PPP2R5C: variants seen among roughly 807,000 people sequenced by gnomAD.
PPP2R5C encodes the protein serine/threonine-protein phosphatase 2A 56 kDa regulatory subunit gamma isoform.
A neutral mutation model predicts 68.9 loss-of-function variants in PPP2R5C; 7 were observed. The observed-to-expected ratio is 0.10, with a 90% CI of 0.06 to 0.19. The LOEUF (loss-of-function observed/expected upper bound fraction) is 0.19. Ranked by LOEUF, PPP2R5C falls within the 10% of genes least tolerant of loss-of-function variation. The probability of loss-of-function intolerance (pLI) is 1.00; values close to 1 mark genes in which losing one functional copy is unlikely to be tolerated. For missense variants in PPP2R5C, 348 were observed against 641.3 expected, an observed-to-expected ratio of 0.54 and a Z score of 4.94; for synonymous variants, 210 against 222.2, an observed-to-expected ratio of 0.95 and a Z score of 0.49.
chr14:101,763,617 G>A (rs796119244), intron 2 of PPP2R5C, among the ~76,000 whole-genome samples: 75 of 152,178 alleles, frequency 4.9e-4, no homozygotes, highest in African/African-American at 1.7e-3. Flanking sequence ...TCCTGTCCTC[G>A]TGACCCGCCC....
Position 101,870,392 on chromosome 14 carries a change from A to G in PPP2R5C, c.295-11769A>G, listed in dbSNP as rs115627926. Among the ~76,000 whole-genome samples, 186 of 152,140 alleles carry G rather than the reference A, an allele frequency of 1.2e-3. 1 individual carries two copies. Among genetic ancestry groups the G allele is most frequent in the African/African-American group, 4.3e-3 (180 of 41,500 alleles). Reference sequence around the variant, plus strand: ...TCGTTCTTTGGCGTATGGATTTCCAATTGTTCTGTTTGTTGAAAAGACTGA... The same window carrying G: ...TCGTTCTTTGGCGTATGGATTTCCAGTTGTTCTGTTTGTTGAAAAGACTGA... On this transcript the variant is annotated intron_variant, in intron 2 of 13. Transcript: ENST00000334743.
At chr14:101,779,775 A>G (rs2140017844) in intron 2 of PPP2R5C, among the ~76,000 whole-genome samples, 1 of 152,274 alleles carries the variant, frequency 6.6e-6, no homozygotes, top group Non-Finnish European at 1.5e-5. Context: ...GGTCAGTCCA[A>G]TAACAGTATG....
In PPP2R5C at chr14:101,835,858, CCT is replaced by C. The variant is rs2041058248; in HGVS notation, c.95-20823_95-20822del. Among the ~76,000 whole-genome samples, 1 of 152,232 alleles carries C rather than the reference CCT, an allele frequency of 6.6e-6. No homozygotes were observed. Among genetic ancestry groups the C allele is most frequent in the Non-Finnish European group, 1.5e-5 (1 of 68,042 alleles). The stretch of plus-strand genomic sequence containing the variant: ...CGGTCCCATCTGAGCGTCGCCTTAA[CCT>C]CTCTGTAGACCTCTGTCCTTGTCTA... On this transcript the variant is annotated intron_variant, in intron 1 of 13. Transcript: ENST00000334743. The surrounding 1 kb of genome is among the most constrained non-coding windows in gnomAD (Gnocchi z 5.0).
intron 1 of PPP2R5C, among the ~76,000 whole-genome samples, chr14:101,833,080 C>T (rs1015502089): frequency 2.0e-5 from 3 of 152,206 alleles, no homozygotes; most frequent in Admixed American, 1.3e-4. Flanking sequence ...CTGATTCTTC[C>T]CATGTTCCGT....
rs1261649630 is a variant in PPP2R5C at position 101,906,578 on chromosome 14, A to G, written c.1151+49A>G. On this transcript the variant is annotated intron_variant, in intron 10 of 13. Transcript: ENST00000334743. The surrounding 1 kb of genome is among the most constrained non-coding windows in gnomAD (Gnocchi z 4.0). The stretch of plus-strand genomic sequence containing the variant: ...TTTTTCAGTCATTTTAAAATATGGC[A>G]CGTTTTACTGCTACTTCAGTAAGAA... The G allele has an allele frequency of 1.3e-6, 2 of 1,547,748 alleles. No homozygotes were observed. Among genetic ancestry groups the G allele is most frequent in the Non-Finnish European group, 1.8e-6 (2 of 1,142,822 alleles).
upstream of PPP2R5C, among the ~76,000 whole-genome samples, chr14:101,805,783 G>C (rs943158195): frequency 3.3e-5 from 5 of 152,234 alleles, no homozygotes; most frequent in Non-Finnish European, 7.3e-5. Flanking sequence ...ACATTATGCT[G>C]AGTGAAATAA....
chr14:101,832,550 G>A (rs4906146), intron 1 of PPP2R5C, among the ~76,000 whole-genome samples: 11,986 of 152,220 alleles, frequency 0.079, 500 homozygotes, highest in Middle Eastern at 0.14. Context: ...CAGGGTGGGC[G>A]ACTCTGGGTT....
At position 101,879,902 on chromosome 14, in the gene PPP2R5C, G is replaced by A. The variant is rs1466579849; in HGVS notation, c.295-2259G>A. ...TGACAGGACCCTGGGAGGACATGGC[G>A]GCCTGCCCAAAGTGTGTGTGTGTGT... is the stretch of plus-strand genomic sequence containing the variant. On this transcript the variant is annotated intron_variant, in intron 2 of 13. Transcript: ENST00000334743. This position sits in a 1 kb window ranked among gnomAD's most constrained non-coding sequence, Gnocchi z 4.2. Among the ~76,000 whole-genome samples the A allele has an allele frequency of 1.3e-5, 2 of 152,222 alleles. No homozygotes were observed. The highest frequency in any genetic ancestry group is 4.8e-5 in the African/African-American group (2 of 41,452).
At chr14:101,922,273 G>A in intron 13 of PPP2R5C, 1 of 819,964 alleles carries the variant, frequency 1.2e-6, no homozygotes, top group South Asian at 5.6e-5. Flanking sequence ...CAGATCACCT[G>A]AGGTCAGGAG....
intron 2 of PPP2R5C, among the ~76,000 whole-genome samples, chr14:101,867,783 T>A (rs1352869910): frequency 1.3e-5 from 2 of 151,052 alleles, no homozygotes; most frequent in Non-Finnish European, 2.9e-5. Flanking sequence ...ATCAAAAAAA[T>A]TAATTAATTA....
Position 101,764,897 on chromosome 14 carries a change from A to T in PPP2R5C, c.93+1927A>T, listed in dbSNP as rs2036772805. ...CTTGCTAATGTGCCTATATCCTCTT[A>T]CTTTAGCTATATTCCTTATACAAAG... On this transcript the variant is annotated intron_variant, in intron 2 of 14. Transcript: ENST00000328724. Among the ~76,000 whole-genome samples the T allele has an allele frequency of 6.4e-5, 9 of 140,618 alleles. No homozygotes were observed. In the Admixed American group the frequency reaches 7.0e-4, roughly 11 times the overall value. The allele number at this position is 140,618 out of a possible 152,430, so 92.3% of individuals were successfully genotyped here.
Position 101,781,587 on chromosome 14 carries a change from G to A in PPP2R5C, c.94-4431G>A, listed in dbSNP as rs1274674533. Among the ~76,000 whole-genome samples, 1 of 151,334 alleles carries A rather than the reference G, an allele frequency of 6.6e-6. No homozygotes were observed. The highest frequency in any genetic ancestry group is 2.4e-5 in the African/African-American group (1 of 41,136). On this transcript the variant is annotated intron_variant, in intron 2 of 14. Coordinates refer to the PPP2R5C transcript ENST00000328724. The surrounding 1 kb of genome is among the most constrained non-coding windows in gnomAD (Gnocchi z 6.4). ...CCACGTTTTCTCAAGAGTGTTGTCT[G>A]TCCCGGCCTTCCAAGGAGACCCTTA...
At chr14:101,860,764 G>A (rs1048742450) in intron 2 of PPP2R5C, among the ~76,000 whole-genome samples, 2 of 152,146 alleles carry the variant, frequency 1.3e-5, no homozygotes, top group African/African-American at 2.4e-5. Flanking sequence ...TGCATTTCTC[G>A]ACAACCAGTT....
rs939368764 is a variant in PPP2R5C, at chr14:101,835,173, C to T, written c.95-21513C>T. Among the ~76,000 whole-genome samples, 2 of 152,112 alleles carry T rather than the reference C, an allele frequency of 1.3e-5. No individual in the cohort carries two copies. Among genetic ancestry groups the T allele is most frequent in the African/African-American group, 4.8e-5 (2 of 41,420 alleles). On this transcript the variant is annotated intron_variant, in intron 1 of 13. Transcript: ENST00000334743. This position sits in a 1 kb window ranked among gnomAD's most constrained non-coding sequence, Gnocchi z 5.0. ...CTGGACACTGGGCTGCTCCTCATGG[C>T]GGTGGGAGCATGGGCTGCTCAGCTG...
In PPP2R5C at chr14:101,917,603, G is replaced by A. The variant is rs374919758; in HGVS notation, c.1327-228G>A. 2.0e-5 allele frequency among the ~76,000 whole-genome samples: 3 copies of A among 152,146 alleles called. No individual in the cohort carries two copies. The East Asian group carries it at 5.8e-4, about 29-fold the overall frequency. The stretch of plus-strand genomic sequence containing the variant: ...CGGGCCACTGTCCATCAGATGCAGA[G>A]GGGTCAGGAGGGGACCAGCTGCTTT... On this transcript the variant is annotated intron_variant, in intron 12 of 13. Coordinates refer to ENST00000334743, the Ensembl canonical transcript of PPP2R5C. The surrounding 1 kb of genome is among the most constrained non-coding windows in gnomAD (Gnocchi z 4.4).
chr14:101,849,201 G>A (rs2042009546), intron 1 of PPP2R5C, among the ~76,000 whole-genome samples: 1 of 152,214 alleles, frequency 6.6e-6, no homozygotes, highest in Non-Finnish European at 1.5e-5. Flanking sequence ...AGGACGTTGT[G>A]CTGTGGACAT....
exon 14 of PPP2R5C, chr14:101,925,891 T>C (rs1383037665): frequency 6.6e-6 from 1 of 152,620 alleles, no homozygotes; most frequent in Non-Finnish European, 1.5e-5. Context: ...CTCCTTCTCT[T>C]GTGTGTACCT....
intron 1 of PPP2R5C, among the ~76,000 whole-genome samples, chr14:101,827,157 G>T (rs1242428574): frequency 6.6e-6 from 1 of 151,436 alleles, no homozygotes; most frequent in Non-Finnish European, 1.5e-5. Context: ...TGTATTTTTA[G>T]TAGACACAGA....
Position 101,802,620 on chromosome 14 carries a change from A to G in PPP2R5C, c.259+16437A>G, listed in dbSNP as rs554787137. On this transcript the variant is annotated intron_variant, in intron 3 of 14. Transcript: ENST00000328724. ...GCTCAGGCGACAAAAATAAAAATAG[A>G]TAGATTGGACTACATAAAAATTTAA... 2.6e-5 allele frequency among the ~76,000 whole-genome samples: 4 copies of G among 152,244 alleles called. No individual in the cohort carries two copies. The South Asian group carries it at 6.2e-4, about 24-fold the overall frequency.
Sources: allele counts gnomAD v4.1 joint callset (sites outside exome capture counted in the v4.1 genomes callset), GRCh38; gene constraint gnomAD v4.1.1; non-coding constraint Gnocchi (gnomAD v3.1); transcripts MANE v1.5; gene names NCBI Gene and HGNC (gene_info 2026-07-23, HGNC 2026-07-21).